TTYH3: variants seen among roughly 807,000 people sequenced by gnomAD.
The protein encoded by TTYH3 is tweety family member 3.
A neutral mutation model predicts 68.2 loss-of-function variants in TTYH3; 23 were observed. That is an observed-to-expected ratio of 0.34 (90% confidence interval 0.24 to 0.48). TTYH3 has a LOEUF of 0.48. Ranked by LOEUF, TTYH3 falls within the 20% of genes least tolerant of loss-of-function variation. TTYH3 has a pLI of 0.99. For missense variants in TTYH3, 768 were observed against 727.7 expected, an observed-to-expected ratio of 1.06 and a Z score of -0.64; for synonymous variants, 360 against 332.8, an observed-to-expected ratio of 1.08 and a Z score of -0.89.
intron 1 of TTYH3, among the ~76,000 whole-genome samples, chr7:2,639,764 G>A (rs1233488120): frequency 6.6e-6 from 1 of 152,178 alleles, no homozygotes; most frequent in Admixed American, 6.5e-5. Context: ...CCCCTCAGTG[G>A]CCTCTGTGGA....
At position 2,640,093 on chromosome 7, in the gene TTYH3, G is replaced by A. The variant is rs1340936898; in HGVS notation, c.124-6760G>A. Among the ~76,000 whole-genome samples the A allele has an allele frequency of 7.9e-5, 12 of 152,294 alleles. No homozygotes were observed. In the East Asian group the frequency reaches 1.9e-3, roughly 25 times the overall value. On this transcript the variant is annotated intron_variant, in intron 1 of 13. Coordinates refer to ENST00000258796, the MANE Select transcript of TTYH3 (RefSeq NM_025250.3). ...TCCAGGACACGGGCCCTATGTCTTC[G>A]CTTCCCTCCCTGCTCAGGGCAGACC...
intron 11 of TTYH3, 62 bp from the exon 12 acceptor site, chr7:2,658,224 G>A (rs1410729883): frequency 4.9e-6 from 7 of 1,441,702 alleles, no homozygotes; most frequent in Non-Finnish European, 6.5e-6. Context: ...TGACCCCCAT[G>A]GGTCTGTGGC....
chr7:2,650,360 C>G (rs913825956), intron 7 of TTYH3, among the ~76,000 whole-genome samples: 2 of 152,078 alleles, frequency 1.3e-5, no homozygotes, highest in Non-Finnish European at 2.9e-5. Flanking sequence ...GGTGGATCAC[C>G]TGAGGTCAGG....
Position 2,647,613 on chromosome 7 carries a change from C to A in TTYH3, c.601C>A (p.Gln201Lys). Residue 201 changes from glutamine (Q) to lysine (K), a missense_variant, in exon 4 of 14, where the codon CAG (glutamine) becomes AAG (lysine). Physicochemically the swap from Gln to Lys is moderately conservative, Grantham distance 53 (BLOSUM62 1). Coordinates refer to ENST00000258796, the MANE Select transcript of TTYH3 (RefSeq NM_025250.3). The stretch of plus-strand genomic sequence containing the variant: ...GGTGTCGCTGGAGGTGCTGGCGGAG[C>A]AGGTGGATCTCTACGACTGGTACAG... ...TAVSLEVLAE[Q>K]VDLYDWYRWL... The A allele has an allele frequency of 6.4e-7, 1 of 1,572,716 alleles. No individual in the cohort carries two copies. Among genetic ancestry groups the A allele is most frequent in the East Asian group, 2.4e-5 (1 of 42,504 alleles).
intron 1 of TTYH3, among the ~76,000 whole-genome samples, chr7:2,633,775 G>A (rs1171787955): frequency 2.0e-5 from 3 of 152,222 alleles, no homozygotes; most frequent in Non-Finnish European, 4.4e-5. Context: ...GCCCTGGGGC[G>A]TGGGGGGCGG....
At chr7:2,651,379 C>A (rs574196870) in intron 7 of TTYH3, among the ~76,000 whole-genome samples, 2 of 152,136 alleles carry the variant, frequency 1.3e-5, no homozygotes, top group Non-Finnish European at 2.9e-5. Context: ...AGTCATCTGC[C>A]GCCCACTGAC....
chr7:2,632,172 A>G lies in TTYH3; in HGVS notation c.17A>G (p.Tyr6Cys), dbSNP rs1785539283. Residue 6 changes from tyrosine to cysteine, a missense_variant, in exon 1 of 14, where the codon TAC becomes TGC. Physicochemically the swap from Tyr to Cys is radical, Grantham distance 194. Transcript: ENST00000258796. MAGVS[Y>C]AAPWWVSLLH... Reference sequence around the variant, plus strand: ...GGCCCCGCCATGGCCGGGGTCAGCTACGCGGCGCCCTGGTGGGTGAGCCTC... The same window carrying G: ...GGCCCCGCCATGGCCGGGGTCAGCTGCGCGGCGCCCTGGTGGGTGAGCCTC... 1 of 1,492,418 alleles carries G rather than the reference A, an allele frequency of 6.7e-7. No individual in the cohort carries two copies. Among genetic ancestry groups the G allele is most frequent in the Non-Finnish European group, 9.0e-7 (1 of 1,112,664 alleles). 92.4% of individuals were successfully genotyped at this position (1,492,418 alleles called of 1,614,324 possible).
chr7:2,660,780 C>T (rs567853443), intron 13 of TTYH3, among the ~76,000 whole-genome samples: 27 of 152,258 alleles, frequency 1.8e-4, no homozygotes, highest in African/African-American at 5.3e-4. Flanking sequence ...TGAAGCCCTC[C>T]TGGGATGGGA....
chr7:2,635,558 G>A (rs979487540), intron 1 of TTYH3, among the ~76,000 whole-genome samples: 12 of 152,206 alleles, frequency 7.9e-5, no homozygotes, highest in Admixed American at 3.3e-4. Flanking sequence ...GAACCCAGGC[G>A]GTGGGAGCCC....
intron 13 of TTYH3, chr7:2,659,904 T>A (rs1786443680): frequency 7.7e-7 from 1 of 1,293,884 alleles, no homozygotes; most frequent in Admixed American, 2.3e-5. Flanking sequence ...TCTCTCTCTC[T>A]CTCTCTTGCA....
intron 1 of TTYH3, among the ~76,000 whole-genome samples, chr7:2,638,256 C>T (rs1785733319): frequency 6.6e-6 from 1 of 152,076 alleles, no homozygotes. Context: ...GTGGGAAGAG[C>T]AGGGGATTTT....
In TTYH3 at chr7:2,654,240, C is replaced by T. The variant is rs192961704; in HGVS notation, c.1020+1230C>T. ...CAAGACCCCATTCTACAAAAAAATA[C>T]AAAAACTAGCTAGGTGTGGCAAAGC... On this transcript the variant is annotated intron_variant, in intron 9 of 13. Transcript: ENST00000258796. Among the ~76,000 whole-genome samples the T allele has an allele frequency of 1.1e-3, 163 of 152,202 alleles. 7 individuals are homozygous for T. Among genetic ancestry groups the T allele is most frequent in the Admixed American group, 5.9e-4 (9 of 15,280 alleles).
chr7:2,649,331 C>G (rs1176484196), intron 5 of TTYH3, among the ~76,000 whole-genome samples: 1 of 152,132 alleles, frequency 6.6e-6, no homozygotes, highest in Admixed American at 6.5e-5. Context: ...AGCCACGTGG[C>G]CCTCCAGTCC....
At chr7:2,649,475 T>G in intron 5 of TTYH3, 92 bp from the exon 6 acceptor site, 1 of 1,281,616 alleles carries the variant, frequency 7.8e-7, no homozygotes, top group Non-Finnish European at 1.1e-6. Flanking sequence ...ACCCCTGATG[T>G]GCACTGGGAC....
At chr7:2,655,351 G>T (rs1351307710) in intron 9 of TTYH3, among the ~76,000 whole-genome samples, 1 of 152,158 alleles carries the variant, frequency 6.6e-6, no homozygotes, top group Non-Finnish European at 1.5e-5. Context: ...TCACCATGTT[G>T]CCCAGGCTGG....
At position 2,647,643 on chromosome 7, in the gene TTYH3, G is replaced by C; in HGVS notation, c.626+5G>C. 6.4e-7 allele frequency: 1 copy of C among 1,553,354 alleles called. No homozygotes were observed. Among genetic ancestry groups the C allele is most frequent in the Non-Finnish European group, 8.7e-7 (1 of 1,146,724 alleles). ...GGATCTCTACGACTGGTACAGGTGCGGCCAGGCCCTCTTCCCTGCCCGCCC... is the reference window on the plus strand; with the variant it reads ...GGATCTCTACGACTGGTACAGGTGCCGCCAGGCCCTCTTCCCTGCCCGCCC... On this transcript the variant is annotated splice_donor_5th_base_variant and intron_variant, in intron 4 of 13. Coordinates refer to ENST00000258796, the MANE Select transcript of TTYH3 (RefSeq NM_025250.3).
intron 13 of TTYH3, 41 bp from the exon 14 acceptor site, chr7:2,661,627 T>C (rs774557478): frequency 1.3e-6 from 2 of 1,594,224 alleles, no homozygotes; most frequent in African/African-American, 1.3e-5. Context: ...GCGTGCGCCA[T>C]GCAGGGGCCC....
Position 2,661,598 on chromosome 7 carries a change from G to A in TTYH3, c.1501-70G>A, listed in dbSNP as rs565305200. 134 of 1,492,188 alleles carry A rather than the reference G, an allele frequency of 9.0e-5. No homozygotes were observed. In the African/African-American group the frequency reaches 1.5e-3, roughly 17 times the overall value. The allele number at this position is 1,492,188 out of a possible 1,614,324, so 92.4% of individuals were successfully genotyped here. On this transcript the variant is annotated intron_variant, in intron 13 of 13. Transcript: ENST00000258796. Reference sequence around the variant, plus strand: ...GTTGGCTCAGCCAAGTGAGGACCACGCGGAAGGCGCCCCTGGCTGCGTGCG... The same window carrying A: ...GTTGGCTCAGCCAAGTGAGGACCACACGGAAGGCGCCCCTGGCTGCGTGCG...
intron 3 of TTYH3, 26 bp from the exon 4 acceptor site, chr7:2,647,392 G>A (rs1036141117): frequency 2.7e-6 from 4 of 1,470,230 alleles, no homozygotes; most frequent in East Asian, 2.5e-5. Context: ...CGCGCTCCCA[G>A]CCTCACGCCC....
Sources: allele counts gnomAD v4.1 joint callset (sites outside exome capture counted in the v4.1 genomes callset), GRCh38; gene constraint gnomAD v4.1.1; transcripts MANE v1.5; gene names NCBI Gene and HGNC (gene_info 2026-07-23, HGNC 2026-07-21).